The following SNX19 variants were observed in gnomAD, a reference collection of about 807,000 sequenced individuals.
SNX19 encodes the protein sorting nexin 19.
In SNX19, 60 loss-of-function variants were observed where a neutral mutation model predicts 85.2. The observed-to-expected ratio is 0.70, with a 90% CI of 0.57 to 0.87. The LOEUF (loss-of-function observed/expected upper bound fraction) is 0.87, where lower values mean the gene tolerates loss of function less well. Among genes scored for constraint, SNX19 ranks in the 40% least tolerant of loss-of-function variants. SNX19 has a pLI of 0.00. For missense variants in SNX19, 1,201 were observed against 1,217.8 expected, an observed-to-expected ratio of 0.99 and a Z score of 0.21; for synonymous variants, 520 against 470.0, an observed-to-expected ratio of 1.11 and a Z score of -1.38.
Position 130,879,667 on chromosome 11 carries a change from AG to A in SNX19, c.2802del (p.Trp935GlyfsTer3), listed in dbSNP as rs769885066. The A allele has an allele frequency of 2.3e-5, 37 of 1,613,988 alleles. No individual in the cohort carries two copies. The highest frequency in any genetic ancestry group is 3.1e-5 in the Non-Finnish European group (36 of 1,179,934). ...EILGVNKCRLSWGLVLESLQQ... is the reference protein window; with the variant it reads ...EILGVNKCRLXWGLVLESLQQ... ...TGTAGTGACTCCAGGACTAGACCCCAGCTCAGCCGGCATTTGTTCACCCCAA... is the reference window on the plus strand; with the variant it reads ...TGTAGTGACTCCAGGACTAGACCCCACTCAGCCGGCATTTGTTCACCCCAA... On this transcript the variant is annotated frameshift_variant, in exon 10 of 11. Coordinates refer to ENST00000265909, the MANE Select transcript of SNX19 (RefSeq NM_014758.3). LOFTEE classifies it high-confidence loss of function.
At chr11:130,913,270 A>T (rs1946285404) in intron 1 of SNX19, among the ~76,000 whole-genome samples, 1 of 152,208 alleles carries the variant, frequency 6.6e-6, no homozygotes, top group South Asian at 2.1e-4. Context: ...ATTAGAACAA[A>T]AAGGCAGGAA....
Position 130,879,720 on chromosome 11 carries a change from GA to G in SNX19, c.2759-10del. 1 of 1,612,746 alleles carries G rather than the reference GA, an allele frequency of 6.2e-7. No homozygotes were observed. The highest frequency in any genetic ancestry group is 1.7e-5 in the Admixed American group (1 of 59,982). On this transcript the variant is annotated splice_polypyrimidine_tract_variant and intron_variant, in intron 9 of 10. Coordinates refer to ENST00000265909, the MANE Select transcript of SNX19 (RefSeq NM_014758.3). ...AATTTCTACTACGAGATCTGAGGAGGAAAAAACAGATGGAATTTGCGTGTTA... is the reference window on the plus strand; with the variant it reads ...AATTTCTACTACGAGATCTGAGGAGGAAAAACAGATGGAATTTGCGTGTTA...
chr11:130,915,989 C>T lies in SNX19; in HGVS notation c.-50G>A. 1.3e-6 allele frequency: 2 copies of T among 1,525,072 alleles called. No individual in the cohort carries two copies. The highest frequency in any genetic ancestry group is 2.3e-5 in the East Asian group (1 of 42,636). The allele number at this position is 1,525,072 out of a possible 1,614,324, so 94.5% of individuals were successfully genotyped here. A position where few individuals can be genotyped will look rare whatever the true frequency, so the allele number is the denominator to read the frequency against. On this transcript the variant is annotated 5_prime_UTR_variant, in exon 1 of 11. Coordinates refer to ENST00000265909, the MANE Select transcript of SNX19 (RefSeq NM_014758.3). ...CCAGATGACAGCCCTCAAGATTTTA[C>T]TTCAGAGTTAGGGAAGGGGGGCATG...
In SNX19 at chr11:130,911,748, T is replaced by C. The variant is rs200422869; in HGVS notation, c.1698A>G (p.Glu566=). The C allele has an allele frequency of 6.2e-7, 1 of 1,614,208 alleles. No homozygotes were observed. The highest frequency in any genetic ancestry group is 2.2e-5 in the East Asian group (1 of 44,890). ...CCAGCTGCTGCAGGCCGCTGCTGTT[T>C]TCACCGTCAAGGGCTGTCTCGTACT... ...TVKYETALDG[E]NSSGLQQLAY... The change falls in exon 2 of 11, where the codon GAA becomes GAG. Residue 566 remains glutamate (E), a synonymous_variant. Transcript: ENST00000265909.
At chr11:130,878,627 T>C (rs1943420896) in intron 10 of SNX19, 73 bp from the exon 11 acceptor site, 3 of 1,536,254 alleles carry the variant, frequency 2.0e-6, no homozygotes, top group Non-Finnish European at 2.6e-6. Flanking sequence ...TGACATTTAT[T>C]TTCTCCTCCC....
chr11:130,879,850 A>G (rs542778472), intron 9 of SNX19, 139 bp from the exon 10 acceptor site: 2 of 661,198 alleles, frequency 3.0e-6, no homozygotes, highest in African/African-American at 3.6e-5. Context: ...CAGCCAAACT[A>G]AAATCCTCAC....
At chr11:130,885,764 T>G (rs1944014147) in intron 8 of SNX19, among the ~76,000 whole-genome samples, 1 of 119,060 alleles carries the variant, frequency 8.4e-6, no homozygotes, top group Admixed American at 9.1e-5. Flanking sequence ...GCAATTATGC[T>G]CCAACCTTAA....
intron 8 of SNX19, among the ~76,000 whole-genome samples, chr11:130,897,498 G>A (rs1197111074): frequency 1.3e-5 from 2 of 152,224 alleles, no homozygotes; most frequent in Non-Finnish European, 1.5e-5. Context: ...GGGCCATGGG[G>A]AGGGCAGCGC....
At chr11:130,888,927 C>T (rs1387706304) in intron 8 of SNX19, among the ~76,000 whole-genome samples, 1 of 152,104 alleles carries the variant, frequency 6.6e-6, no homozygotes, top group Non-Finnish European at 1.5e-5. Flanking sequence ...TCTTGCTAGG[C>T]CATTTTCCTT....
chr11:130,880,722 A>C lies in SNX19; in HGVS notation c.2658T>G (p.Pro886=). ...GTGGAAACTTAGGCAAAACTCCACC[A>C]GGCCAGATGGACTCCTGAAGAAGCA... The part of the protein sequence containing the change: ...YLLLLQESIW[P]GGVLPKFPRP... Residue 886 remains proline, a synonymous_variant, in exon 9 of 11, where the codon CCT becomes CCG. Coordinates refer to ENST00000265909, the MANE Select transcript of SNX19 (RefSeq NM_014758.3). 1 of 1,612,514 alleles carries C rather than the reference A, an allele frequency of 6.2e-7. No individual in the cohort carries two copies. Among genetic ancestry groups the C allele is most frequent in the East Asian group, 2.2e-5 (1 of 44,848 alleles).
intron 8 of SNX19, among the ~76,000 whole-genome samples, chr11:130,890,889 TC>T (rs1944450087): frequency 1.1e-5 from 1 of 93,654 alleles, no homozygotes; most frequent in African/African-American, 3.6e-5. Context: ...GGGATTTGGG[TC>T]TTTTTTTTTT....
Position 130,914,492 on chromosome 11 carries a change from A to G in SNX19, c.1448T>C (p.Leu483Ser), listed in dbSNP as rs1445952569. Reference protein sequence around the residue: ...EKTCPSRPSCLEKDLTNDVSS... With the variant: ...EKTCPSRPSCSEKDLTNDVSS... ...CACATCATTGGTGAGATCCTTCTCT[A>G]AGCATGACGGCCGTGAGGGGCAGGT... Residue 483 changes from leucine to serine, a missense_variant, in exon 1 of 11, where the codon TTA becomes TCA. Leu to Ser is a moderately radical substitution (Grantham distance 145). This residue lies in a region of SNX19 where 791 missense variants were observed against 750.9 expected (regional missense o/e 1.05). Coordinates refer to ENST00000265909, the MANE Select transcript of SNX19 (RefSeq NM_014758.3). 2 of 1,613,818 alleles carry G rather than the reference A, an allele frequency of 1.2e-6. No homozygotes were observed. The highest frequency in any genetic ancestry group is 1.7e-5 in the Admixed American group (1 of 60,000).
chr11:130,889,929 A>G (rs931884081), intron 8 of SNX19, among the ~76,000 whole-genome samples: 1 of 152,200 alleles, frequency 6.6e-6, no homozygotes, highest in Non-Finnish European at 1.5e-5. Context: ...ATAGAAAAAA[A>G]GTTGAAAATA....
Position 130,869,113 on chromosome 11 carries a change from A to G in SNX19, c.*9309T>C, listed in dbSNP as rs1942907353. 1 of 152,250 alleles carries G rather than the reference A, an allele frequency of 6.6e-6. No homozygotes were observed. Among genetic ancestry groups the G allele is most frequent in the South Asian group, 2.1e-4 (1 of 4,830 alleles). 9.4% of individuals were successfully genotyped at this position (152,250 alleles called of 1,614,324 possible). On this transcript the variant is annotated 3_prime_UTR_variant, in exon 11 of 11. Coordinates refer to ENST00000265909, the MANE Select transcript of SNX19 (RefSeq NM_014758.3). ...TGGGAAACAAGACAATCTGCCTCCA[A>G]GGGATTAACAGCCCAGTAGGGAAGA...
chr11:130,894,673 T>C, intron 8 of SNX19: 2 of 985,454 alleles, frequency 2.0e-6, no homozygotes, highest in Middle Eastern at 1.0e-3. Context: ...TTGTCACCTA[T>C]TTGAAACAAT....
chr11:130,879,506 G>A, intron 10 of SNX19, 118 bp downstream of exon 10: 1 of 838,974 alleles, frequency 1.2e-6, no homozygotes, highest in Non-Finnish European at 1.9e-6. Context: ...CCCAGAGCAA[G>A]TAAAGACTAC....
Position 130,874,044 on chromosome 11 carries a change from T to C in SNX19, c.*4378A>G, listed in dbSNP as rs667600. On this transcript the variant is annotated 3_prime_UTR_variant, in exon 11 of 11. Transcript: ENST00000265909. ...GTTTTTTGTTTTTTTTTTTTTTATTTGGGGTCTCACTCTGTCACTTAAGGC... is the reference window on the plus strand; with the variant it reads ...GTTTTTTGTTTTTTTTTTTTTTATTCGGGGTCTCACTCTGTCACTTAAGGC... 6.6e-6 allele frequency among the ~76,000 whole-genome samples: 1 copy of C among 152,024 alleles called. No homozygotes were observed. Among genetic ancestry groups the C allele is most frequent in the Non-Finnish European group, 1.5e-5 (1 of 68,006 alleles).
intron 8 of SNX19, among the ~76,000 whole-genome samples, chr11:130,885,485 A>G (rs1052870918): frequency 6.6e-6 from 1 of 152,224 alleles, no homozygotes; most frequent in Non-Finnish European, 1.5e-5. Flanking sequence ...GGCTTTAGAG[A>G]CCATGTCTAA....
At chr11:130,889,113 T>A (rs1555130878) in intron 8 of SNX19, among the ~76,000 whole-genome samples, 1 of 152,218 alleles carries the variant, frequency 6.6e-6, no homozygotes, top group Non-Finnish European at 1.5e-5. Flanking sequence ...GTTTTTCACC[T>A]AAGTCTTTTC....
Sources: allele counts gnomAD v4.1 joint callset (sites outside exome capture counted in the v4.1 genomes callset), GRCh38; gene constraint gnomAD v4.1.1; regional missense constraint gnomAD v4.1.1; transcripts MANE v1.5; gene names NCBI Gene and HGNC (gene_info 2026-07-23, HGNC 2026-07-21).